The following LRFN2 variants were observed in gnomAD, a reference collection of about 807,000 sequenced individuals.
The protein encoded by LRFN2 is leucine rich repeat and fibronectin type III domain containing 2, also known as leucine-rich repeat and fibronectin type-III domain-containing protein 2.
In LRFN2, 18 loss-of-function variants were observed where a neutral mutation model predicts 37.3. The observed-to-expected ratio is 0.48, with a 90% confidence interval of 0.33 to 0.72. The LOEUF is 0.72. Among genes scored for constraint, LRFN2 ranks in the 30% least tolerant of loss-of-function variants. The pLI is 0.02. For synonymous variants in LRFN2, 556 were observed against 466.6 expected (o/e 1.19, Z -2.47); for missense variants, 1,006 against 1,060.7 (o/e 0.95, Z 0.72).
rs757361325 is a variant in LRFN2, at chr6:40,432,346, G to C, written c.768C>G (p.Leu256=). Residue 256 remains leucine (L), a synonymous_variant, in exon 2 of 3, where the codon CTC becomes CTG. Coordinates refer to ENST00000338305, the MANE Select transcript of LRFN2 (RefSeq NM_020737.3). ...CNCELLWLRR[L]ERDDDLETCG... The stretch of plus-strand genomic sequence containing the variant: ...AGGTTTCCAGGTCATCGTCCCGCTC[G>C]AGCCTCCGCAGCCAGAGAAGCTCAC... The C allele has an allele frequency of 6.2e-7, 1 of 1,614,162 alleles. No homozygotes were observed. Among genetic ancestry groups the C allele is most frequent in the Non-Finnish European group, 8.5e-7 (1 of 1,180,044 alleles).
chr6:40,405,491 C>A (rs1762826792), intron 2 of LRFN2, among the ~76,000 whole-genome samples: 1 of 152,108 alleles, frequency 6.6e-6, no homozygotes, highest in South Asian at 2.1e-4. Flanking sequence ...AGGTCAGTGC[C>A]CGGCACAGAG....
chr6:40,441,363 T>C (rs1409675232), intron 1 of LRFN2, among the ~76,000 whole-genome samples: 1 of 152,006 alleles, frequency 6.6e-6, no homozygotes, highest in Non-Finnish European at 1.5e-5. Context: ...AGTGGGCGTG[T>C]GTGACAGCGC....
intron 1 of LRFN2, among the ~76,000 whole-genome samples, chr6:40,437,867 A>C (rs1763728356): frequency 1.3e-5 from 2 of 152,170 alleles, no homozygotes; most frequent in African/African-American, 4.8e-5. Flanking sequence ...AGGAACCAGG[A>C]TATCCTCCAT....
At chr6:40,447,048 G>A (rs1763987528) in intron 1 of LRFN2, among the ~76,000 whole-genome samples, 1 of 151,692 alleles carries the variant, frequency 6.6e-6, no homozygotes, top group African/African-American at 2.4e-5. Flanking sequence ...GCTCCCTGAG[G>A]ATGGGGCTGT....
intron 1 of LRFN2, among the ~76,000 whole-genome samples, chr6:40,483,213 C>G (rs971196628): frequency 6.6e-6 from 1 of 152,264 alleles, no homozygotes; most frequent in African/African-American, 2.4e-5. Context: ...TCAATACCAG[C>G]TACGCTGTAG....
intron 1 of LRFN2, among the ~76,000 whole-genome samples, chr6:40,562,082 A>T (rs1767004266): frequency 6.6e-6 from 1 of 152,224 alleles, no homozygotes; most frequent in Non-Finnish European, 1.5e-5. Flanking sequence ...GGAAAATGAC[A>T]GTCCAACTTG....
chr6:40,465,626 C>T (rs770349234), intron 1 of LRFN2, among the ~76,000 whole-genome samples: 16 of 152,110 alleles, frequency 1.1e-4, no homozygotes, highest in South Asian at 2.1e-4. Flanking sequence ...ACCACAAAAA[C>T]CTGGGCTCTC....
chr6:40,412,402 C>T (rs1055989484), intron 2 of LRFN2, among the ~76,000 whole-genome samples: 2 of 152,062 alleles, frequency 1.3e-5, no homozygotes, highest in Non-Finnish European at 2.9e-5. Context: ...GAGGTCCCAC[C>T]CCTGCCTAGC....
intron 1 of LRFN2, among the ~76,000 whole-genome samples, chr6:40,467,889 G>T (rs1489268457): frequency 2.0e-5 from 3 of 152,102 alleles, no homozygotes. Flanking sequence ...ATGACTTCCT[G>T]TGTCTCCTAG....
chr6:40,436,987 G>A (rs1396890263), intron 1 of LRFN2, among the ~76,000 whole-genome samples: 1 of 152,096 alleles, frequency 6.6e-6, no homozygotes, highest in Admixed American at 6.6e-5. Context: ...TTAATCAAGA[G>A]GTGGTTGAGT....
In LRFN2 at chr6:40,554,530, T is replaced by C. The variant is rs576384615; in HGVS notation, c.-19+32411A>G. On this transcript the variant is annotated intron_variant, in intron 1 of 2. Coordinates refer to ENST00000338305, the MANE Select transcript of LRFN2 (RefSeq NM_020737.3). ...ATTGACAGGGAACAGAAAGGTGCCA[T>C]GGGAATTGGTATTCTTTTGCTCGCT... 4.6e-5 allele frequency among the ~76,000 whole-genome samples: 7 copies of C among 152,248 alleles called. No homozygotes were observed. In the East Asian group the frequency reaches 9.6e-4, roughly 21 times the overall value.
At chr6:40,482,374 G>A (rs377731155) in intron 1 of LRFN2, among the ~76,000 whole-genome samples, 48 of 152,174 alleles carry the variant, frequency 3.2e-4, no homozygotes, top group Admixed American at 7.2e-4. Flanking sequence ...AAGATGCTAC[G>A]TTCTGGAGGC....
At position 40,476,532 on chromosome 6, in the gene LRFN2, G is replaced by T. The variant is rs531684193; in HGVS notation, c.-18-43401C>A. 8.5e-5 allele frequency among the ~76,000 whole-genome samples: 13 copies of T among 152,322 alleles called. No individual in the cohort carries two copies. The South Asian group carries it at 2.7e-3, about 32-fold the overall frequency. ...AACCCCATAGGTGCTGAGTTAGCAGGGGTAGCCCCTAGGTCAAACTTGCTG... is the reference window on the plus strand; with the variant it reads ...AACCCCATAGGTGCTGAGTTAGCAGTGGTAGCCCCTAGGTCAAACTTGCTG... On this transcript the variant is annotated intron_variant, in intron 1 of 2. Transcript: ENST00000338305.
rs375769391 is a variant in LRFN2 at position 40,540,125 on chromosome 6, C to T, written c.-19+46816G>A. ...TGACGTGGGTGTCAATCTCAGCTCT[C>T]CCACTGACTAGCTGTGTAAACTTGG... On this transcript the variant is annotated intron_variant, in intron 1 of 2. Coordinates refer to ENST00000338305, the MANE Select transcript of LRFN2 (RefSeq NM_020737.3). 8.2e-4 allele frequency among the ~76,000 whole-genome samples: 125 copies of T among 152,304 alleles called. 1 individual carries two copies. In the South Asian group the frequency reaches 0.025, roughly 31 times the overall value.
intron 1 of LRFN2, among the ~76,000 whole-genome samples, chr6:40,537,641 CT>C (rs1766475302): frequency 6.6e-6 from 1 of 152,156 alleles, no homozygotes; most frequent in African/African-American, 2.4e-5. Flanking sequence ...CCTAATGAGA[CT>C]TGTTCCTGTC....
In LRFN2 at chr6:40,472,643, A is replaced by T. The variant is rs138664291; in HGVS notation, c.-18-39512T>A. 3.0e-4 allele frequency among the ~76,000 whole-genome samples: 46 copies of T among 152,250 alleles called. 1 individual carries two copies. In the East Asian group the frequency reaches 6.0e-3, roughly 20 times the overall value. The stretch of plus-strand genomic sequence containing the variant: ...TCCTGATGCTGGTGTGGCTCAAGCC[A>T]CTTCAGAAGCTGCATCCTATGCTTC... On this transcript the variant is annotated intron_variant, in intron 1 of 2. Coordinates refer to ENST00000338305, the MANE Select transcript of LRFN2 (RefSeq NM_020737.3).
intron 1 of LRFN2, among the ~76,000 whole-genome samples, chr6:40,545,807 G>C (rs551355505): frequency 6.6e-6 from 1 of 152,112 alleles, no homozygotes; most frequent in African/African-American, 2.4e-5. Context: ...GGTCAACCAC[G>C]GCCCCTCTAA....
chr6:40,458,112 C>G (rs1001768176), intron 1 of LRFN2, among the ~76,000 whole-genome samples: 1 of 152,214 alleles, frequency 6.6e-6, no homozygotes, highest in Non-Finnish European at 1.5e-5. Flanking sequence ...AAAGCATAAT[C>G]TAGTTATTCT....
chr6:40,567,735 C>T (rs79894442), intron 1 of LRFN2, among the ~76,000 whole-genome samples: 2 of 152,188 alleles, frequency 1.3e-5, no homozygotes, highest in African/African-American at 4.8e-5. Flanking sequence ...TTTTAGAGGA[C>T]TAGGCACTCC....
Sources: allele counts gnomAD v4.1 joint callset (sites outside exome capture counted in the v4.1 genomes callset), GRCh38; gene constraint gnomAD v4.1.1; transcripts MANE v1.5; gene names NCBI Gene and HGNC (gene_info 2026-07-23, HGNC 2026-07-21).